The following HSF5 variants were observed in gnomAD, a reference collection of about 807,000 sequenced individuals.
HSF5 encodes the protein heat shock transcription factor 5.
In HSF5, 5 loss-of-function variants were observed where a neutral mutation model predicts 50.8. That is an observed-to-expected ratio of 0.10 (90% CI 0.05 to 0.21). HSF5 has a LOEUF of 0.21. Ranked by LOEUF, HSF5 falls within the 10% of genes least tolerant of loss-of-function variation. HSF5 has a pLI of 1.00. For synonymous variants in HSF5, 307 were observed against 307.4 expected (o/e 1.00, Z 0.02); for missense variants, 564 against 762.6 (o/e 0.74, Z 3.07).
chr17:58,452,599 C>T (rs957406381), intron 5 of HSF5, among the ~76,000 whole-genome samples: 1 of 152,222 alleles, frequency 6.6e-6, no homozygotes, highest in African/African-American at 2.4e-5. Context: ...CACTTGAGGC[C>T]AGGAGTTTGA....
intron 2 of HSF5, among the ~76,000 whole-genome samples, chr17:58,474,182 T>C (rs1974982721): frequency 6.6e-6 from 1 of 152,240 alleles, no homozygotes; most frequent in Non-Finnish European, 1.5e-5. Flanking sequence ...GTTAAATTGC[T>C]CACTACTTTT....
At chr17:58,432,467 A>AG (rs1974377559) in intron 5 of HSF5, among the ~76,000 whole-genome samples, 1 of 152,208 alleles carries the variant, frequency 6.6e-6, no homozygotes, top group Non-Finnish European at 1.5e-5. Context: ...GGAACACACC[A>AG]TGTGAAAATC....
intron 5 of HSF5, among the ~76,000 whole-genome samples, chr17:58,432,092 AT>A (rs1334880857): frequency 6.6e-6 from 1 of 152,150 alleles, no homozygotes; most frequent in Admixed American, 6.5e-5. Context: ...ATTTATCACA[AT>A]TTTTTAAAAG....
chr17:58,450,210 GTA>G (rs1974617632), intron 5 of HSF5, among the ~76,000 whole-genome samples: 1 of 149,914 alleles, frequency 6.7e-6, no homozygotes, highest in Non-Finnish European at 1.5e-5. Context: ...TTGGTGGCGT[GTA>G]CCTGTAATCC....
intron 5 of HSF5, among the ~76,000 whole-genome samples, chr17:58,453,831 G>A (rs1484981584): frequency 1.3e-5 from 2 of 152,038 alleles, no homozygotes; most frequent in African/African-American, 4.8e-5. Context: ...GATCACACCT[G>A]TAAACCCAGC....
intron 5 of HSF5, among the ~76,000 whole-genome samples, chr17:58,428,388 G>C (rs184578535): frequency 3.9e-5 from 6 of 152,054 alleles, no homozygotes; most frequent in Non-Finnish European, 8.8e-5. Context: ...GGCCAGGCGC[G>C]GTGGCTCACG....
intron 5 of HSF5, among the ~76,000 whole-genome samples, chr17:58,438,539 G>A (rs1974456990): frequency 6.6e-6 from 1 of 151,932 alleles, no homozygotes; most frequent in African/African-American, 2.4e-5. Flanking sequence ...CAACATATTT[G>A]GTAAAATCAT....
intron 4 of HSF5, among the ~76,000 whole-genome samples, chr17:58,462,157 A>G (rs1392579321): frequency 6.6e-6 from 1 of 152,192 alleles, no homozygotes. Context: ...CTGTGGATGT[A>G]CTTTTGATGA....
rs115852479 is a variant in HSF5, at chr17:58,444,023, C to T, written c.1720+14745G>A. Among the ~76,000 whole-genome samples, 1,391 of 152,108 alleles carry T rather than the reference C, an allele frequency of 9.1e-3. 17 individuals carry two copies. Among genetic ancestry groups the T allele is most frequent in the African/African-American group, 0.031 (1,291 of 41,488 alleles). On this transcript the variant is annotated intron_variant, in intron 5 of 5. Transcript: ENST00000323777. The stretch of plus-strand genomic sequence containing the variant: ...GAGAATAAAATAGGAATAAATCTAA[C>T]GAATGAGGCAAAAGACTTTTACACT...
At chr17:58,471,157 T>C (rs890327479) in intron 2 of HSF5, among the ~76,000 whole-genome samples, 1 of 152,164 alleles carries the variant, frequency 6.6e-6, no homozygotes, top group African/African-American at 2.4e-5. Flanking sequence ...ATGGTGAATG[T>C]ACTTAATGTT....
In HSF5 at chr17:58,488,301, C is replaced by G. The variant is rs1364348691; in HGVS notation, c.-27G>C. 6.9e-7 allele frequency: 1 copy of G among 1,449,448 alleles called. No homozygotes were observed. The highest frequency in any genetic ancestry group is 9.0e-7 in the Non-Finnish European group (1 of 1,113,544). 89.8% of individuals were successfully genotyped at this position (1,449,448 alleles called of 1,614,324 possible). Reference sequence around the variant, plus strand: ...GCCCCGCCGGGCCGGGGCCTCGCCCCCCGAGCCTAGCTCTCCCACACCGTT... The same window carrying G: ...GCCCCGCCGGGCCGGGGCCTCGCCCGCCGAGCCTAGCTCTCCCACACCGTT... On this transcript the variant is annotated 5_prime_UTR_variant, in exon 1 of 6. Coordinates refer to ENST00000323777, the MANE Select transcript of HSF5 (RefSeq NM_001080439.3). This position sits in a 1 kb window ranked among gnomAD's most constrained non-coding sequence, Gnocchi z 4.1.
Position 58,447,579 on chromosome 17 carries a change from T to C in HSF5, c.1720+11189A>G, listed in dbSNP as rs572584521. Among the ~76,000 whole-genome samples the C allele has an allele frequency of 2.0e-5, 3 of 152,108 alleles. No homozygotes were observed. In the South Asian group the frequency reaches 6.2e-4, roughly 32 times the overall value. On this transcript the variant is annotated intron_variant, in intron 5 of 5. Coordinates refer to ENST00000323777, the MANE Select transcript of HSF5 (RefSeq NM_001080439.3). The stretch of plus-strand genomic sequence containing the variant: ...AAGAGAGGGAAGAGTGTAGGGGGAC[T>C]TTACTTGAGAACCCAGGGAACTCTC...
chr17:58,446,791 C>T (rs1974567715), intron 5 of HSF5, among the ~76,000 whole-genome samples: 1 of 152,066 alleles, frequency 6.6e-6, no homozygotes, highest in South Asian at 2.1e-4. Flanking sequence ...TCATCCCTGT[C>T]CCAGCTCTAC....
chr17:58,476,222 C>T, intron 2 of HSF5: 1 of 901,712 alleles, frequency 1.1e-6, no homozygotes, highest in Non-Finnish European at 1.8e-6. Flanking sequence ...TCAATATCTT[C>T]TAATCCTTCC....
intron 5 of HSF5, among the ~76,000 whole-genome samples, chr17:58,441,914 A>T (rs1974503044): frequency 6.6e-6 from 1 of 152,338 alleles, no homozygotes; most frequent in Middle Eastern, 3.4e-3. Context: ...TACATATCCT[A>T]TTCTAATACT....
chr17:58,457,919 C>T (rs1974735230), intron 5 of HSF5, among the ~76,000 whole-genome samples: 1 of 152,146 alleles, frequency 6.6e-6, no homozygotes, highest in African/African-American at 2.4e-5. Flanking sequence ...AGACATTTTG[C>T]AGAAAGAACC....
At chr17:58,432,734 A>G (rs1974380659) in intron 5 of HSF5, among the ~76,000 whole-genome samples, 1 of 152,196 alleles carries the variant, frequency 6.6e-6, no homozygotes, top group Admixed American at 6.6e-5. Context: ...GAAAATAATT[A>G]CTGATTTAAG....
intron 5 of HSF5, among the ~76,000 whole-genome samples, chr17:58,426,839 C>A (rs745991002): frequency 6.6e-6 from 1 of 152,132 alleles, no homozygotes; most frequent in East Asian, 1.9e-4. Flanking sequence ...TCAGCATGTA[C>A]TCAAAAGAGC....
At chr17:58,485,393 A>G (rs1975155758) in intron 1 of HSF5, among the ~76,000 whole-genome samples, 1 of 152,130 alleles carries the variant, frequency 6.6e-6, no homozygotes, top group Non-Finnish European at 1.5e-5. Flanking sequence ...CTCTTTAAAC[A>G]GAGAAATGGA....
Sources: gnomAD v4.1 joint callset for allele counts (sites outside exome capture counted in the v4.1 genomes callset) on GRCh38, gnomAD v4.1.1 for gene constraint, Gnocchi (gnomAD v3.1) non-coding constraint, MANE v1.5 for transcripts, NCBI Gene and HGNC (gene_info 2026-07-23, HGNC 2026-07-21) for gene names.